The following SAMMSON variants were observed in gnomAD, a reference collection of about 807,000 sequenced individuals.
SAMMSON encodes the protein long intergenic non-protein coding RNA 1212.
At chr3:70,270,193 G>GA (rs1701963303) in intron 6 of SAMMSON, among the ~76,000 whole-genome samples, 1 of 151,998 alleles carries the variant, frequency 6.6e-6, no homozygotes, top group Non-Finnish European at 1.5e-5. Flanking sequence ...TAACAACTTT[G>GA]AAAAAAAGTG....
intron 3 of SAMMSON, among the ~76,000 whole-genome samples, chr3:70,017,028 C>T (rs2066989039): frequency 6.6e-6 from 1 of 152,094 alleles, no homozygotes. Context: ...CGTGATGCCT[C>T]CAGCTTTGTT....
At chr3:70,253,105 C>T (rs1463446988) in intron 6 of SAMMSON, among the ~76,000 whole-genome samples, 2 of 151,852 alleles carry the variant, frequency 1.3e-5, no homozygotes, top group Non-Finnish European at 2.9e-5. Flanking sequence ...CGAAGAGAAA[C>T]TAATACCTAA....
intron 6 of SAMMSON, among the ~76,000 whole-genome samples, chr3:70,284,760 G>A (rs531571074): frequency 6.6e-5 from 10 of 152,260 alleles, no homozygotes; most frequent in East Asian, 1.9e-4. Flanking sequence ...TGAAGGGTAG[G>A]AGGAGACAGA....
chr3:70,256,518 C>A (rs145342263), intron 6 of SAMMSON, among the ~76,000 whole-genome samples: 1 of 152,240 alleles, frequency 6.6e-6, no homozygotes, highest in East Asian at 1.9e-4. Context: ...TTCTTAAGTG[C>A]CATGTATTGA....
intron 3 of SAMMSON, among the ~76,000 whole-genome samples, chr3:70,035,179 G>A (rs1461207907): frequency 2.0e-5 from 3 of 152,088 alleles, no homozygotes; most frequent in Admixed American, 2.0e-4. Context: ...GTAGGTTGAA[G>A]GTCCCTGTTT....
At chr3:70,358,946 A>T (rs898585541) in intron 9 of SAMMSON, among the ~76,000 whole-genome samples, 1 of 152,022 alleles carries the variant, frequency 6.6e-6, no homozygotes, top group African/African-American at 2.4e-5. Context: ...CTTGTCTCTT[A>T]TCTTGTGCAC....
chr3:70,184,229 G>C (rs1375220452), intron 4 of SAMMSON: 1 of 152,122 alleles, frequency 6.6e-6, no homozygotes, highest in Non-Finnish European at 1.5e-5. Flanking sequence ...AATAAACAGG[G>C]TTACTTTGGT....
intron 2 of SAMMSON, among the ~76,000 whole-genome samples, chr3:70,398,806 C>T (rs1185448287): frequency 3.9e-5 from 6 of 152,194 alleles, no homozygotes; most frequent in Non-Finnish European, 8.8e-5. Context: ...GTTGGAATTA[C>T]TACAGCTATC....
chr3:70,024,240 A>T (rs1167221941), intron 3 of SAMMSON, among the ~76,000 whole-genome samples: 1 of 152,186 alleles, frequency 6.6e-6, no homozygotes, highest in Non-Finnish European at 1.5e-5. Flanking sequence ...GAACCATTGC[A>T]TGCTTTTCAC....
chr3:70,402,437 A>T (rs573600499), intron 2 of SAMMSON, among the ~76,000 whole-genome samples: 1 of 152,188 alleles, frequency 6.6e-6, no homozygotes, highest in African/African-American at 2.4e-5. Context: ...CTTAATGTGG[A>T]TGCTACATTG....
chr3:70,415,960 A>T (rs1307523352), intron 2 of SAMMSON, among the ~76,000 whole-genome samples: 2 of 152,172 alleles, frequency 1.3e-5, no homozygotes, highest in African/African-American at 4.8e-5. Context: ...TCGTTCTCCT[A>T]TCACTATTTT....
At chr3:70,386,907 G>A (rs1703127241) in intron 9 of SAMMSON, among the ~76,000 whole-genome samples, 1 of 152,108 alleles carries the variant, frequency 6.6e-6, no homozygotes, top group African/African-American at 2.4e-5. Flanking sequence ...TTCAGGAAAA[G>A]ATGGCAGTGT....
At chr3:70,280,552 G>C (rs542001778) in intron 6 of SAMMSON, among the ~76,000 whole-genome samples, 26 of 152,266 alleles carry the variant, frequency 1.7e-4, no homozygotes, top group Admixed American at 5.9e-4. Flanking sequence ...TGTATTGAAT[G>C]TTGGGACTCA....
chr3:70,368,229 C>G (rs980607546), intron 9 of SAMMSON, among the ~76,000 whole-genome samples: 5 of 151,428 alleles, frequency 3.3e-5, no homozygotes, highest in Admixed American at 6.6e-5. Context: ...TTCTTATTTA[C>G]TTCAACAGAA....
At chr3:70,239,850 C>CCT (rs1701649145) in intron 4 of SAMMSON, among the ~76,000 whole-genome samples, 1 of 152,036 alleles carries the variant, frequency 6.6e-6, no homozygotes. Flanking sequence ...GCAGATAGAT[C>CCT]ATCAGTGAAT....
intron 2 of SAMMSON, among the ~76,000 whole-genome samples, chr3:70,429,305 A>C (rs1406979004): frequency 6.6e-6 from 1 of 151,988 alleles, no homozygotes; most frequent in African/African-American, 2.4e-5. Flanking sequence ...TGAGGCCTCT[A>C]TTCTATTCCA....
At chr3:70,315,502 A>G (rs185169655) in intron 7 of SAMMSON, among the ~76,000 whole-genome samples, 8 of 152,302 alleles carry the variant, frequency 5.3e-5, no homozygotes, top group Admixed American at 2.6e-4. Context: ...CATTAGAAGG[A>G]TGGTAAGAAC....
At chr3:70,414,703 T>C (rs1350744189) in intron 2 of SAMMSON, among the ~76,000 whole-genome samples, 2 of 152,208 alleles carry the variant, frequency 1.3e-5, no homozygotes, top group East Asian at 3.8e-4. Flanking sequence ...TTTCTGGATC[T>C]GTTTTCTCAT....
chr3:70,253,712 A>C (rs1448490454), intron 6 of SAMMSON, among the ~76,000 whole-genome samples: 1 of 152,178 alleles, frequency 6.6e-6, no homozygotes, highest in Non-Finnish European at 1.5e-5. Context: ...TACAGTGCAA[A>C]ACCCCAACTC....
Sources: gnomAD v4.1 joint callset for allele counts (sites outside exome capture counted in the v4.1 genomes callset) on GRCh38, gnomAD v4.1.1 for gene constraint, MANE v1.5 for transcripts, NCBI Gene and HGNC (gene_info 2026-07-23, HGNC 2026-07-21) for gene names.